ANO7: variants seen among roughly 807,000 people sequenced by gnomAD.
The protein encoded by ANO7 is anoctamin 7.
In ANO7, 114 loss-of-function variants were observed where a neutral mutation model predicts 115.8. The observed-to-expected ratio is 0.98, with a 90% CI of 0.85 to 1.15. The LOEUF (loss-of-function observed/expected upper bound fraction) is 1.15. ANO7 is among the 50% of genes most tolerant of loss of function. ANO7 has a pLI of 0.00. For missense variants in ANO7, 1,302 were observed against 1,201.2 expected (o/e 1.08, Z -1.24); for synonymous variants, 550 against 498.2 (o/e 1.10, Z -1.38).
At chr2:241,195,464 C>A (rs1254399258) in intron 3 of ANO7, among the ~76,000 whole-genome samples, 1 of 152,188 alleles carries the variant, frequency 6.6e-6, no homozygotes, top group African/African-American at 2.4e-5. Context: ...CCATACCCAG[C>A]CCCTCTCCAG....
At chr2:241,222,301 C>T (rs988963321) in intron 21 of ANO7, among the ~76,000 whole-genome samples, 7 of 152,002 alleles carry the variant, frequency 4.6e-5, no homozygotes, top group Non-Finnish European at 1.0e-4. Context: ...CATGAGCCAC[C>T]GCGCCCGGCT....
At chr2:241,226,339 C>G (rs988711238), downstream of ANO7, among the ~76,000 whole-genome samples, 9 of 152,140 alleles carry the variant, frequency 5.9e-5, no homozygotes, top group African/African-American at 1.9e-4. Flanking sequence ...TCGTGTTTGG[C>G]TTAGGGTCAT....
Position 241,195,707 on chromosome 2 carries a change from C to T in ANO7, c.171C>T (p.Asp57=). 5 of 1,614,090 alleles carry T rather than the reference C, an allele frequency of 3.1e-6. No individual in the cohort carries two copies. Among genetic ancestry groups the T allele is most frequent in the Non-Finnish European group, 4.2e-6 (5 of 1,179,998 alleles). Residue 57 remains aspartate, a synonymous_variant, in exon 4 of 25, where the codon GAC becomes GAT. Transcript: ENST00000674324. ...TCTGTCCCTGTTGGCTCCCAGCAGA[C>T]TTCGTCCTCGTTTGGGAGGAGGACC... is the stretch of plus-strand genomic sequence containing the variant. ...AGSPAKPRIA[D]FVLVWEEDLK... is the part of the protein sequence containing the mutation.
At chr2:241,204,427 G>GGGGGTT (rs113846752) in intron 9 of ANO7, among the ~76,000 whole-genome samples, 192 of 151,904 alleles carry the variant, frequency 1.3e-3, no homozygotes, top group African/African-American at 4.4e-3. Flanking sequence ...GGGCCAGGGT[G>GGGGGTT]GGGGTTGGGT....
chr2:241,193,361 C>T (rs1219977584), intron 3 of ANO7, among the ~76,000 whole-genome samples: 1 of 152,118 alleles, frequency 6.6e-6, no homozygotes, highest in Non-Finnish European at 1.5e-5. Flanking sequence ...TGAGCCGCCA[C>T]GCCCAGCCTA....
chr2:241,199,282 C>T, intron 4 of ANO7, 34 bp from the exon 5 acceptor site: 1 of 1,590,332 alleles, frequency 6.3e-7, no homozygotes, highest in Non-Finnish European at 8.6e-7. Context: ...ACACATGCAC[C>T]CTCAGGCTCT....
At chr2:241,223,401 C>A in intron 22 of ANO7, 125 bp downstream of exon 22, 2 of 1,187,070 alleles carry the variant, frequency 1.7e-6, no homozygotes, top group African/African-American at 1.5e-5. Context: ...TTGGTCAAAT[C>A]AGAGCTCTTC....
chr2:241,218,402 A>T, intron 21 of ANO7, 21 bp downstream of exon 21: 1 of 1,275,956 alleles, frequency 7.8e-7, no homozygotes, highest in Non-Finnish European at 9.9e-7. Context: ...CGCCAGGTGG[A>T]GGGGGCCGCG....
Position 241,203,715 on chromosome 2 carries a change from C to T in ANO7, c.889+217C>T, listed in dbSNP as rs1459981199. Among the ~76,000 whole-genome samples the T allele has an allele frequency of 2.0e-5, 3 of 152,120 alleles. No individual in the cohort carries two copies. The highest frequency in any genetic ancestry group is 7.2e-5 in the African/African-American group (3 of 41,434). ...GATGCCGGGCCCTGGCCTCCTAATG[C>T]TCCAGTAACAGTGCTGAGAGCCGCT... On this transcript the variant is annotated intron_variant, in intron 9 of 24. Coordinates refer to ENST00000674324, the MANE Select transcript of ANO7 (RefSeq NM_001370694.2). The surrounding 1 kb of genome is among the most constrained non-coding windows in gnomAD (Gnocchi z 4.8).
At chr2:241,192,279 C>T (rs891843814) in intron 3 of ANO7, among the ~76,000 whole-genome samples, 1 of 152,096 alleles carries the variant, frequency 6.6e-6, no homozygotes, top group African/African-American at 2.4e-5. Flanking sequence ...GAACCGAGGT[C>T]GCGCCATTGC....
intron 8 of ANO7, 90 bp downstream of exon 8, chr2:241,202,394 G>A: frequency 8.2e-7 from 1 of 1,226,680 alleles, no homozygotes; most frequent in Admixed American, 1.9e-5. Flanking sequence ...GTGTGGGGCA[G>A]GCATGGTCAG....
At position 241,217,776 on chromosome 2, in the gene ANO7, T is replaced by G. The variant is rs1441296469; in HGVS notation, c.2063T>G (p.Leu688Trp). The G allele has an allele frequency of 1.2e-5, 19 of 1,609,762 alleles. No homozygotes were observed. Among genetic ancestry groups the G allele is most frequent in the Non-Finnish European group, 1.6e-5 (19 of 1,178,736 alleles). Residue 688 changes from leucine to tryptophan, a missense_variant, in exon 20 of 25, where the codon TTG becomes TGG. Leu to Trp is a moderately conservative substitution (Grantham distance 61, BLOSUM62 -2). Transcript: ENST00000674324. ...ALLNNWVEIRLDARKFVCEYR... is the reference protein window; with the variant it reads ...ALLNNWVEIRWDARKFVCEYR... ...CTCAACAACTGGGTGGAGATCCGCT[T>G]GGACGCGCGCAAGTTCGTCTGCGAG... is the stretch of plus-strand genomic sequence containing the variant.
chr2:241,234,362 G>C, the ANO7 span, among the ~76,000 whole-genome samples: 1 of 152,214 alleles, frequency 6.6e-6, no homozygotes, highest in Non-Finnish European at 1.5e-5. Context: ...AGACCAAGAA[G>C]AGGGGGCAGC....
chr2:241,209,918 C>T (rs914050053), intron 13 of ANO7, among the ~76,000 whole-genome samples: 2 of 152,110 alleles, frequency 1.3e-5, no homozygotes, highest in African/African-American at 4.8e-5. Flanking sequence ...AGGCGGGCAC[C>T]CCAGCAGGGC....
chr2:241,200,993 A>G (rs2068456460), intron 6 of ANO7, among the ~76,000 whole-genome samples: 1 of 152,188 alleles, frequency 6.6e-6, no homozygotes. Context: ...CCTGTGCCCA[A>G]CCACAGTTTG....
intron 21 of ANO7, among the ~76,000 whole-genome samples, chr2:241,222,858 A>T (rs13428947): frequency 0.083 from 12,592 of 152,196 alleles, 1,173 homozygotes; most frequent in Admixed American, 0.21. Flanking sequence ...AGTAGACTGA[A>T]GTCATCCGTA....
At chr2:241,190,446 G>T (rs1036585432) in intron 2 of ANO7, among the ~76,000 whole-genome samples, 2 of 152,198 alleles carry the variant, frequency 1.3e-5, no homozygotes, top group Non-Finnish European at 2.9e-5. Context: ...GCCAGGCAAA[G>T]GCAAGACCAG....
At chr2:241,207,498 G>C in intron 10 of ANO7, 76 bp from the exon 11 acceptor site, 1 of 1,220,804 alleles carries the variant, frequency 8.2e-7, no homozygotes, top group Middle Eastern at 1.9e-4. Context: ...GAGAGGACAA[G>C]GGAGGCGCCT....
chr2:241,190,775 C>T (rs2068181693), intron 2 of ANO7, among the ~76,000 whole-genome samples: 1 of 152,246 alleles, frequency 6.6e-6, no homozygotes, highest in Non-Finnish European at 1.5e-5. Context: ...CAGACACTCT[C>T]GGTCGCCATG....
Sources: allele counts gnomAD v4.1 joint callset (sites outside exome capture counted in the v4.1 genomes callset), GRCh38; gene constraint gnomAD v4.1.1; non-coding constraint Gnocchi (gnomAD v3.1); transcripts MANE v1.5; gene names NCBI Gene and HGNC (gene_info 2026-07-23, HGNC 2026-07-21).